Variants in OPCML observed in about 807,000 individuals in gnomAD.
The protein encoded by OPCML is opioid-binding protein/cell adhesion molecule.
In OPCML, 13 loss-of-function variants were observed where a neutral mutation model predicts 37.8. The observed-to-expected ratio is 0.34, with a 90% confidence interval of 0.22 to 0.55. OPCML has a LOEUF of 0.55. Ranked by LOEUF, OPCML falls within the 20% of genes least tolerant of loss-of-function variation. The pLI is 0.91. For missense variants in OPCML, 341 were observed against 435.6 expected (o/e 0.78, Z 1.93); for synonymous variants, 176 against 168.8 (o/e 1.04, Z -0.33).
chr11:133,101,900 A>C (rs1314818980), intron 1 of OPCML, among the ~76,000 whole-genome samples: 3 of 152,178 alleles, frequency 2.0e-5, no homozygotes, highest in Non-Finnish European at 4.4e-5. Context: ...GGAATGAGCT[A>C]TCAAGCCAAG....
intron 1 of OPCML, among the ~76,000 whole-genome samples, chr11:133,470,871 GAT>G (rs1947094062): frequency 6.6e-6 from 1 of 152,166 alleles, no homozygotes; most frequent in Non-Finnish European, 1.5e-5. Flanking sequence ...TGGCTAGAGA[GAT>G]CATTCAGGGT....
chr11:132,744,565 G>C lies in OPCML; in HGVS notation c.147-87246C>G, dbSNP rs533783749. ...AAATTGAAGGTCTCAATACTCATCT[G>C]TTCGGAAGACCCTTTTGCCTGTTAT... On this transcript the variant is annotated intron_variant, in intron 2 of 7. Transcript: ENST00000524381. 2.0e-5 allele frequency among the ~76,000 whole-genome samples: 3 copies of C among 152,320 alleles called. No homozygotes were observed. The South Asian group carries it at 6.2e-4, about 32-fold the overall frequency.
chr11:133,103,836 A>T (rs1414486344), intron 1 of OPCML, among the ~76,000 whole-genome samples: 1 of 152,152 alleles, frequency 6.6e-6, no homozygotes, highest in Non-Finnish European at 1.5e-5. Context: ...AATGTCACCT[A>T]CACCCAGATA....
intron 3 of OPCML, among the ~76,000 whole-genome samples, chr11:132,552,929 C>T (rs1338352889): frequency 6.6e-6 from 1 of 151,610 alleles, no homozygotes; most frequent in Admixed American, 6.6e-5. Context: ...CCATGCCTGG[C>T]TAATTTTTGT....
intron 1 of OPCML, among the ~76,000 whole-genome samples, chr11:133,124,923 A>G (rs923461362): frequency 1.2e-4 from 19 of 152,126 alleles, no homozygotes; most frequent in African/African-American, 3.9e-4. Context: ...TGGACACCCA[A>G]TGAGGAGTCA....
chr11:133,424,977 CATGACT>C (rs1565627056), intron 1 of OPCML, among the ~76,000 whole-genome samples: 1 of 152,200 alleles, frequency 6.6e-6, no homozygotes, highest in Admixed American at 6.5e-5. Flanking sequence ...ATTAACATGA[CATGACT>C]ATTCCAGGAA....
chr11:133,373,424 A>AAAATAT (rs376543665), intron 1 of OPCML, among the ~76,000 whole-genome samples: 16 of 117,742 alleles, frequency 1.4e-4, no homozygotes, highest in South Asian at 1.0e-3. Context: ...ACTTAATTAA[A>AAAATAT]ATATATATAT....
At chr11:132,638,882 T>C (rs148612895) in intron 3 of OPCML, among the ~76,000 whole-genome samples, 15 of 152,342 alleles carry the variant, frequency 9.8e-5, no homozygotes, top group African/African-American at 3.1e-4. Context: ...TCCAGTTCTT[T>C]GCTGTGGCCA....
chr11:133,232,913 T>C (rs369963656), intron 1 of OPCML, among the ~76,000 whole-genome samples: 33 of 152,316 alleles, frequency 2.2e-4, no homozygotes, highest in African/African-American at 7.9e-4. Flanking sequence ...CATTTGCAGT[T>C]AATTAGAATA....
chr11:132,911,664 C>G (rs1292230045), intron 2 of OPCML, among the ~76,000 whole-genome samples: 1 of 152,194 alleles, frequency 6.6e-6, no homozygotes, highest in Non-Finnish European at 1.5e-5. Flanking sequence ...GGACCCTTCT[C>G]CTCTGTCCTC....
At chr11:133,450,732 G>A (rs528702064) in intron 1 of OPCML, among the ~76,000 whole-genome samples, 9 of 151,622 alleles carry the variant, frequency 5.9e-5, no homozygotes, top group Admixed American at 1.3e-4. Flanking sequence ...GAAAAGTGAA[G>A]ACAGTATAGG....
Position 133,230,221 on chromosome 11 carries a change from C to T in OPCML, c.62-287211G>A, listed in dbSNP as rs546025261. 6.6e-5 allele frequency among the ~76,000 whole-genome samples: 10 copies of T among 152,144 alleles called. 1 individual carries two copies. The highest frequency in any genetic ancestry group is 5.2e-4 in the Admixed American group (8 of 15,278). ...TTCGCATTTGTGTGGAAACACCACT[C>T]GCCAAATTCAGTGGAAAGGGGAACA... On this transcript the variant is annotated intron_variant, in intron 1 of 7. Transcript: ENST00000524381.
chr11:132,701,791 TGTGTG>T (rs762514353), intron 2 of OPCML, among the ~76,000 whole-genome samples: 6 of 143,634 alleles, frequency 4.2e-5, no homozygotes, highest in African/African-American at 1.1e-4. Flanking sequence ...TGTGTGTGTG[TGTGTG>T]GTGGTGGTGG....
At chr11:132,794,685 C>T (rs569695603) in intron 2 of OPCML, among the ~76,000 whole-genome samples, 64 of 152,198 alleles carry the variant, frequency 4.2e-4, no homozygotes, top group African/African-American at 1.5e-3. Context: ...CAAATAACCA[C>T]CTCCTACACA....
chr11:133,531,744 G>GGAGA (rs10567773), intron 1 of OPCML, among the ~76,000 whole-genome samples: 7,067 of 137,144 alleles, frequency 0.052, 239 homozygotes, highest in South Asian at 0.1. Flanking sequence ...AGGTGGAGAG[G>GGAGA]GAGAGAGAGA....
At chr11:133,284,497 A>G (rs1409880933) in intron 1 of OPCML, among the ~76,000 whole-genome samples, 1 of 152,230 alleles carries the variant, frequency 6.6e-6, no homozygotes, top group Non-Finnish European at 1.5e-5. Context: ...GTGAGACAGC[A>G]CAGGTGAAAA....
chr11:132,814,735 A>G (rs1939535232), intron 2 of OPCML, among the ~76,000 whole-genome samples: 1 of 152,136 alleles, frequency 6.6e-6, no homozygotes, highest in Non-Finnish European at 1.5e-5. Flanking sequence ...ACCATCACAC[A>G]TAGCCTCATG....
Position 133,168,351 on chromosome 11 carries a change from G to A in OPCML, c.62-225341C>T, listed in dbSNP as rs561457706. Among the ~76,000 whole-genome samples, 7 of 152,210 alleles carry A rather than the reference G, an allele frequency of 4.6e-5. No individual in the cohort carries two copies. The South Asian group carries it at 8.3e-4, about 18-fold the overall frequency. On this transcript the variant is annotated intron_variant, in intron 1 of 7. Transcript: ENST00000524381. ...GGGCTTGGGGGGAAGAGAGCAGGTG[G>A]GTAAAAAGAGGAGTGGGGAAGGTGA...
intron 3 of OPCML, among the ~76,000 whole-genome samples, chr11:132,579,184 C>T (rs1374575372): frequency 3.3e-5 from 5 of 152,060 alleles, no homozygotes; most frequent in Admixed American, 6.5e-5. Flanking sequence ...GCAAAGTCTC[C>T]AGGTTGTCTA....
Sources: gnomAD v4.1 joint callset for allele counts (sites outside exome capture counted in the v4.1 genomes callset) on GRCh38, gnomAD v4.1.1 for gene constraint, MANE v1.5 for transcripts, NCBI Gene and HGNC (gene_info 2026-07-23, HGNC 2026-07-21) for gene names.